SRGAP1: variants seen among roughly 807,000 people sequenced by gnomAD.
SRGAP1 encodes SLIT-ROBO Rho GTPase activating protein 1.
Under a neutral mutation model 121.9 loss-of-function variants are expected in SRGAP1, and 43 were observed. The observed-to-expected ratio is 0.35, with a 90% CI of 0.28 to 0.46. SRGAP1 has a LOEUF of 0.46. Ranked by LOEUF, SRGAP1 falls within the 20% of genes least tolerant of loss-of-function variation. The probability of loss-of-function intolerance (pLI) is 1.00; values close to 1 mark genes in which losing one functional copy is unlikely to be tolerated. For missense variants in SRGAP1, 1,102 were observed against 1,350.9 expected (o/e 0.82, Z 2.89); for synonymous variants, 447 against 485.4 (o/e 0.92, Z 1.04).
intron 13 of SRGAP1, 64 bp from the exon 14 acceptor site, chr12:64,095,063 G>A (rs1356143358): frequency 6.2e-7 from 1 of 1,608,370 alleles, no homozygotes; most frequent in African/African-American, 1.3e-5. Flanking sequence ...TTTACTTCCT[G>A]GGAAAAGAGG....
intron 1 of SRGAP1, among the ~76,000 whole-genome samples, chr12:63,955,885 T>G (rs1565968478): frequency 6.6e-6 from 1 of 152,128 alleles, no homozygotes; most frequent in Non-Finnish European, 1.5e-5. Context: ...TTACTGAAAA[T>G]TATTTGAGGA....
intron 1 of SRGAP1, among the ~76,000 whole-genome samples, chr12:63,937,533 G>T (rs1391444047): frequency 6.6e-6 from 1 of 152,052 alleles, no homozygotes; most frequent in East Asian, 1.9e-4. Flanking sequence ...ATGACATCTG[G>T]GCCCCATATG....
intron 1 of SRGAP1, among the ~76,000 whole-genome samples, chr12:63,975,208 C>T (rs891144837): frequency 5.9e-5 from 9 of 152,190 alleles, no homozygotes; most frequent in African/African-American, 1.4e-4. Flanking sequence ...CCAAAGAAAT[C>T]GTCCCTTCTC....
chr12:63,894,942 G>A (rs993495939), intron 1 of SRGAP1, among the ~76,000 whole-genome samples: 14 of 150,712 alleles, frequency 9.3e-5, no homozygotes, highest in African/African-American at 3.4e-4. Context: ...ACATGTGCAT[G>A]TGCCTTTATA....
chr12:64,086,741 A>AC (rs2035949185), intron 10 of SRGAP1, among the ~76,000 whole-genome samples: 1 of 148,742 alleles, frequency 6.7e-6, no homozygotes, highest in South Asian at 2.1e-4. Context: ...AAAAAAAAAA[A>AC]ACACAGCCTC....
intron 3 of SRGAP1, among the ~76,000 whole-genome samples, chr12:64,015,310 GA>G (rs529722352): frequency 9.5e-4 from 145 of 152,126 alleles, no homozygotes; most frequent in Non-Finnish European, 1.8e-3. Flanking sequence ...CAAGACATAG[GA>G]AAAATAAAAT....
intron 4 of SRGAP1, among the ~76,000 whole-genome samples, chr12:64,022,020 T>G (rs906983924): frequency 2.0e-5 from 3 of 152,206 alleles, no homozygotes; most frequent in South Asian, 2.1e-4. Flanking sequence ...CAAAAGTAAC[T>G]GCACTGGCAG....
intron 1 of SRGAP1, among the ~76,000 whole-genome samples, chr12:63,855,141 T>C (rs779519998): frequency 7.9e-5 from 12 of 152,198 alleles, no homozygotes; most frequent in Non-Finnish European, 7.3e-5. Context: ...ATTATTAAGT[T>C]TCCTTCCATC....
At position 64,078,962 on chromosome 12, in the gene SRGAP1, T is replaced by C. The variant is rs1471795452; in HGVS notation, c.1169T>C (p.Met390Thr). ...TEATLQTIQD[M>T]VTIEDYDVSE... is the part of the protein sequence containing the mutation. ...GCCACCTTGCAGACGATACAAGATATGGTCACCATCGAGGACTATGATGTT... is the reference window on the plus strand; with the variant it reads ...GCCACCTTGCAGACGATACAAGATACGGTCACCATCGAGGACTATGATGTT... The change falls in exon 9 of 22, where the codon ATG becomes ACG. Residue 390 changes from methionine (M) to threonine (T), a missense_variant. Physicochemically the swap from Met to Thr is moderately conservative, Grantham distance 81 (BLOSUM62 -1). Transcript: ENST00000355086. 1.9e-6 allele frequency: 3 copies of C among 1,614,038 alleles called. No individual in the cohort carries two copies. Among genetic ancestry groups the C allele is most frequent in the South Asian group, 2.2e-5 (2 of 91,080 alleles).
chr12:64,100,783 C>T (rs1432761459), intron 15 of SRGAP1, among the ~76,000 whole-genome samples: 3 of 152,156 alleles, frequency 2.0e-5, no homozygotes, highest in African/African-American at 7.2e-5. Flanking sequence ...TATCTCTAAG[C>T]AAGCATTTTT....
chr12:64,110,762 A>G (rs985100911), intron 16 of SRGAP1, among the ~76,000 whole-genome samples: 20 of 152,232 alleles, frequency 1.3e-4, no homozygotes, highest in Non-Finnish European at 2.9e-5. Flanking sequence ...GAGAAATGGC[A>G]GAAGGGAAAG....
rs2035788532 is a variant in SRGAP1 at position 64,078,981 on chromosome 12, T to C, written c.1188T>C (p.Tyr396=). The C allele has an allele frequency of 1.9e-6, 3 of 1,614,140 alleles. No homozygotes were observed. The highest frequency in any genetic ancestry group is 1.3e-5 in the African/African-American group (1 of 75,056). ...TIQDMVTIED[Y]DVSECFQHSR... The stretch of plus-strand genomic sequence containing the variant: ...AAGATATGGTCACCATCGAGGACTA[T>C]GATGTTTCTGAATGCTTCCAGCACA... Residue 396 remains tyrosine (Y), a synonymous_variant, in exon 9 of 22, where the codon TAT becomes TAC. Transcript: ENST00000355086.
intron 6 of SRGAP1, among the ~76,000 whole-genome samples, chr12:64,062,657 T>C (rs2035470987): frequency 6.6e-6 from 1 of 152,092 alleles, no homozygotes; most frequent in Non-Finnish European, 1.5e-5. Context: ...GCTGAGACTA[T>C]AGGTGCGTGC....
intron 3 of SRGAP1, among the ~76,000 whole-genome samples, chr12:63,991,562 A>G (rs1424972286): frequency 6.6e-6 from 1 of 152,242 alleles, no homozygotes; most frequent in Non-Finnish European, 1.5e-5. Context: ...TTTTAAAAAA[A>G]TAATTTAGAC....
intron 11 of SRGAP1, among the ~76,000 whole-genome samples, chr12:64,087,559 C>A (rs1287069090): frequency 6.6e-6 from 1 of 151,904 alleles, no homozygotes; most frequent in South Asian, 2.1e-4. Flanking sequence ...TGTGGTGAAA[C>A]CCTGTCTCTA....
At chr12:64,000,906 AG>A (rs1317784959) in intron 3 of SRGAP1, among the ~76,000 whole-genome samples, 3 of 152,228 alleles carry the variant, frequency 2.0e-5, no homozygotes, top group Non-Finnish European at 4.4e-5. Flanking sequence ...ATAAGGTTTG[AG>A]AAAAAGTAGA....
At chr12:63,952,968 CTT>C (rs1185643520) in intron 1 of SRGAP1, among the ~76,000 whole-genome samples, 1 of 152,152 alleles carries the variant, frequency 6.6e-6, no homozygotes, top group Non-Finnish European at 1.5e-5. Flanking sequence ...TTTTTAAACA[CTT>C]TGCATGTATC....
In SRGAP1 at chr12:64,035,669, TGCAGTCGCCTCCAAG is replaced by T. The variant is rs1330248401; in HGVS notation, c.490-7118_490-7104del. Among the ~76,000 whole-genome samples, 22 of 152,352 alleles carry T rather than the reference TGCAGTCGCCTCCAAG, an allele frequency of 1.4e-4. No individual in the cohort carries two copies. The Middle Eastern group carries it at 0.017, about 118-fold the overall frequency. On this transcript the variant is annotated intron_variant, in intron 4 of 21. Coordinates refer to ENST00000355086, the MANE Select transcript of SRGAP1 (RefSeq NM_020762.4). ...GGAGTGTTTTATAAATGTGTGTCTT[TGCAGTCGCCTCCAAG>T]GCCATCCTTACTGATATATTGTTTT...
chr12:63,940,865 G>A (rs951700538), intron 1 of SRGAP1, among the ~76,000 whole-genome samples: 6 of 152,080 alleles, frequency 3.9e-5, no homozygotes, highest in Non-Finnish European at 8.8e-5. Flanking sequence ...ATGCATCATC[G>A]GCATATGGAC....
Sources: gnomAD v4.1 joint callset for allele counts (sites outside exome capture counted in the v4.1 genomes callset) on GRCh38, gnomAD v4.1.1 for gene constraint, MANE v1.5 for transcripts, NCBI Gene and HGNC (gene_info 2026-07-23, HGNC 2026-07-21) for gene names.